The following PLEKHG1 variants were observed in gnomAD, a reference collection of about 807,000 sequenced individuals.
PLEKHG1 encodes the protein pleckstrin homology domain-containing family G member 1.
Under a neutral mutation model 100.8 loss-of-function variants are expected in PLEKHG1, and 44 were observed. The ratio of observed to expected loss-of-function variants is 0.44; its 90% CI spans 0.34 to 0.56. The LOEUF is 0.56. Among genes scored for constraint, PLEKHG1 ranks in the 20% least tolerant of loss-of-function variants. The probability of loss-of-function intolerance (pLI) is 0.01; values close to 1 mark genes in which losing one functional copy is unlikely to be tolerated. For synonymous variants in PLEKHG1, 640 were observed against 662.5 expected, an observed-to-expected ratio of 0.97 and a Z score of 0.52; for missense variants, 1,545 against 1,720.9, an observed-to-expected ratio of 0.90 and a Z score of 1.81.
At chr6:150,810,221 G>A (rs1368757614) in intron 10 of PLEKHG1, among the ~76,000 whole-genome samples, 1 of 151,148 alleles carries the variant, frequency 6.6e-6, no homozygotes, top group African/African-American at 2.4e-5. Context: ...GATCACCTGG[G>A]TCCGGGAGGC....
chr6:150,736,770 A>AAAAAAC (rs376473228), intron 2 of PLEKHG1, among the ~76,000 whole-genome samples: 4,808 of 152,100 alleles, frequency 0.032, 94 homozygotes, highest in African/African-American at 0.054. Context: ...CTCCATCTTT[A>AAAAAAC]AAAAACAAAA....
intron 4 of PLEKHG1, 102 bp from the exon 6 acceptor site, chr6:150,795,754 T>C (rs1185833299): frequency 4.8e-6 from 3 of 620,802 alleles, no homozygotes; most frequent in Non-Finnish European, 5.7e-6. Flanking sequence ...TATATATATA[T>C]ATAAATGTCA....
exon 16 of PLEKHG1, chr6:150,840,050 C>A (rs376373769): frequency 1.2e-6 from 2 of 1,614,072 alleles, no homozygotes; most frequent in African/African-American, 2.7e-5. Flanking sequence ...CAGAGCAAGA[C>A]TTGAGGTCAA....
intron 2 of PLEKHG1, among the ~76,000 whole-genome samples, chr6:150,743,206 C>A (rs1314747449): frequency 6.6e-6 from 1 of 152,106 alleles, no homozygotes; most frequent in Non-Finnish European, 1.5e-5. Flanking sequence ...TGGTGTATCC[C>A]CCACCACCCT....
intron 2 of PLEKHG1, among the ~76,000 whole-genome samples, chr6:150,761,142 A>G (rs969600872): frequency 4.5e-5 from 5 of 111,962 alleles, no homozygotes; most frequent in Non-Finnish European, 6.7e-5. Flanking sequence ...GTCTCACTCT[A>G]TTGCCCAGGC....
intron 1 of PLEKHG1, among the ~76,000 whole-genome samples, chr6:150,619,660 T>C (rs568725500): frequency 2.0e-5 from 3 of 152,344 alleles, no homozygotes; most frequent in African/African-American, 7.2e-5. Flanking sequence ...GCAGCTTTTA[T>C]GGAGCAGGAG....
intron 4 of PLEKHG1, among the ~76,000 whole-genome samples, chr6:150,793,618 G>T (rs1358987302): frequency 6.6e-6 from 1 of 152,176 alleles, no homozygotes; most frequent in Non-Finnish European, 1.5e-5. Flanking sequence ...CATCACAGAA[G>T]AGAGACAACC....
chr6:150,634,250 C>CAAAAAAAAAAAAAAAAAA (rs139347441), intron 1 of PLEKHG1, among the ~76,000 whole-genome samples: 1 of 120,328 alleles, frequency 8.3e-6, no homozygotes, highest in African/African-American at 3.2e-5. Flanking sequence ...ATCTCCCCCC[C>CAAAAAAAAAAAAAAAAAA]AAAAAAAAAA....
At chr6:150,705,709 G>C (rs1001594891) in intron 3 of PLEKHG1, among the ~76,000 whole-genome samples, 1 of 152,088 alleles carries the variant, frequency 6.6e-6, no homozygotes, top group East Asian at 1.9e-4. Flanking sequence ...TTTCTATCCC[G>C]CTCACCCACT....
intron 1 of PLEKHG1, among the ~76,000 whole-genome samples, chr6:150,732,301 C>G (rs1245635192): frequency 3.3e-5 from 5 of 151,680 alleles, no homozygotes. Context: ...TATAACTGTA[C>G]TTGTGGAGAG....
intron 4 of PLEKHG1, among the ~76,000 whole-genome samples, chr6:150,786,798 G>C (rs2128652679): frequency 6.6e-6 from 1 of 152,156 alleles, no homozygotes; most frequent in South Asian, 2.1e-4. Flanking sequence ...GGGAAGCCGA[G>C]GTGAGTGGAT....
chr6:150,637,079 A>G (rs1170233949), intron 1 of PLEKHG1, among the ~76,000 whole-genome samples: 2 of 152,226 alleles, frequency 1.3e-5, no homozygotes, highest in Admixed American at 6.5e-5. Flanking sequence ...TGACCTCCCA[A>G]TTAGCTAGAC....
rs1286768494 is a variant in PLEKHG1 at position 150,831,969 on chromosome 6, G to C, written c.2858G>C (p.Gly953Ala). Reference sequence around the variant, plus strand: ...AATCCCTACGACCTGGCCAACAGTGGCCTGTCTCAAACAGACCCAGAAAAC... The same window carrying C: ...AATCCCTACGACCTGGCCAACAGTGCCCTGTCTCAAACAGACCCAGAAAAC... The change falls in exon 15 of 16, where the codon GGC becomes GCC. Residue 953 changes from glycine to alanine, a missense_variant. Coordinates refer to ENST00000358517, the Ensembl canonical transcript of PLEKHG1. This position sits in a 1 kb window ranked among gnomAD's most constrained non-coding sequence, Gnocchi z 4.1. The C allele has an allele frequency of 6.2e-7, 1 of 1,613,366 alleles. No homozygotes were observed. Among genetic ancestry groups the C allele is most frequent in the Non-Finnish European group, 8.5e-7 (1 of 1,179,562 alleles).
chr6:150,809,282 A>T (rs1450410009), exon 8 of PLEKHG1: 37 of 1,613,828 alleles, frequency 2.3e-5, no homozygotes, highest in Non-Finnish European at 3.1e-5. Context: ...CAAAGCTCAC[A>T]TCCTGGTAGG....
chr6:150,623,893 A>G (rs1407753370), intron 1 of PLEKHG1, among the ~76,000 whole-genome samples: 1 of 152,256 alleles, frequency 6.6e-6, no homozygotes, highest in Non-Finnish European at 1.5e-5. Flanking sequence ...CTACTCAAGG[A>G]GGAAAACAGA....
At chr6:150,701,451 AT>A (rs1780778557) in intron 3 of PLEKHG1, among the ~76,000 whole-genome samples, 2 of 75,648 alleles carry the variant, frequency 2.6e-5, no homozygotes, top group African/African-American at 2.6e-4. Context: ...ATATATATAT[AT>A]ATATATATAT....
chr6:150,762,144 T>TCAG, intron 2 of PLEKHG1, among the ~76,000 whole-genome samples: 1 of 152,238 alleles, frequency 6.6e-6, no homozygotes, highest in Admixed American at 6.5e-5. Flanking sequence ...ACCAGTAAGA[T>TCAG]CAGCCTCTGT....
chr6:150,698,285 G>A lies in PLEKHG1; in HGVS notation c.-98-35299G>A, dbSNP rs550370184. On this transcript the variant is annotated intron_variant, in intron 3 of 3. Transcript: ENST00000367326. ...TCCTATGTGTGCAGTTACCCACTTG[G>A]GAGTCATGTAGATGCTCAAAAAATT... Among the ~76,000 whole-genome samples, 4 of 152,194 alleles carry A rather than the reference G, an allele frequency of 2.6e-5. No homozygotes were observed. The South Asian group carries it at 8.3e-4, about 32-fold the overall frequency.
At chr6:150,604,410 C>T (rs1776497852) in intron 1 of PLEKHG1, among the ~76,000 whole-genome samples, 1 of 152,154 alleles carries the variant, frequency 6.6e-6, no homozygotes, top group South Asian at 2.1e-4. Flanking sequence ...ATGTCTCTGT[C>T]ATATACTGTT....
Sources: allele counts gnomAD v4.1 joint callset (sites outside exome capture counted in the v4.1 genomes callset), GRCh38; gene constraint gnomAD v4.1.1; non-coding constraint Gnocchi (gnomAD v3.1); transcripts MANE v1.5; gene names NCBI Gene and HGNC (gene_info 2026-07-23, HGNC 2026-07-21).